Variants in FMNL2 observed in about 807,000 individuals in gnomAD.
The protein encoded by FMNL2 is formin-like protein 2.
FMNL2 carries 51 observed loss-of-function variants against 130.2 expected under a neutral mutation model. The observed-to-expected ratio is 0.39, with a 90% CI of 0.31 to 0.49. FMNL2 has a LOEUF of 0.49. Ranked by LOEUF, FMNL2 falls within the 20% of genes least tolerant of loss-of-function variation. The pLI, the probability that FMNL2 is intolerant of heterozygous loss-of-function variation, is 0.85. For missense variants in FMNL2, 977 were observed against 1,316.2 expected (o/e 0.74, Z 3.99); for synonymous variants, 465 against 467.1 (o/e 1.00, Z 0.06).
intron 25 of FMNL2, among the ~76,000 whole-genome samples, chr2:152,646,999 A>C (rs913648449): frequency 4.6e-5 from 7 of 152,078 alleles, no homozygotes; most frequent in African/African-American, 9.7e-5. Flanking sequence ...GCAGTGATTG[A>C]CTCATTCATT....
intron 1 of FMNL2, among the ~76,000 whole-genome samples, chr2:152,462,581 T>C (rs768865111): frequency 6.6e-6 from 1 of 152,238 alleles, no homozygotes; most frequent in Non-Finnish European, 1.5e-5. Context: ...GCTATTCATA[T>C]TATATGTAAG....
intron 1 of FMNL2, among the ~76,000 whole-genome samples, chr2:152,469,928 T>C (rs1238966988): frequency 1.3e-5 from 2 of 152,146 alleles, no homozygotes; most frequent in African/African-American, 4.8e-5. Context: ...TTAACTACCA[T>C]TGGATTTGAA....
At chr2:152,409,639 C>G (rs1021685651) in intron 1 of FMNL2, among the ~76,000 whole-genome samples, 23 of 152,176 alleles carry the variant, frequency 1.5e-4, no homozygotes, top group African/African-American at 5.5e-4. Context: ...AATGGTGACT[C>G]TGGGTACAGA....
chr2:152,542,905 CTGCAT>C (rs1223890032), intron 3 of FMNL2, 86 bp downstream of exon 3: 2 of 1,417,462 alleles, frequency 1.4e-6, no homozygotes, highest in Non-Finnish European at 2.0e-6. Flanking sequence ...CTTCCTTCCT[CTGCAT>C]TAGAGCCTCT....
chr2:152,454,269 T>G (rs1406109521), intron 1 of FMNL2, among the ~76,000 whole-genome samples: 3 of 152,206 alleles, frequency 2.0e-5, no homozygotes, highest in African/African-American at 7.2e-5. Context: ...AGAGCAAGAC[T>G]CTGTCTCAAA....
chr2:152,479,657 G>C (rs1198062351), intron 1 of FMNL2, among the ~76,000 whole-genome samples: 1 of 148,582 alleles, frequency 6.7e-6, no homozygotes, highest in Non-Finnish European at 1.5e-5. Flanking sequence ...AAAAGCTTAA[G>C]TACATTGGCT....
intron 1 of FMNL2, among the ~76,000 whole-genome samples, chr2:152,513,019 AAAT>A (rs1358781254): frequency 2.6e-5 from 4 of 152,218 alleles, no homozygotes. Flanking sequence ...GTTAAAAGAG[AAAT>A]AATAAGAGAC....
chr2:152,502,545 G>C (rs1234032263), intron 1 of FMNL2, among the ~76,000 whole-genome samples: 2 of 152,172 alleles, frequency 1.3e-5, no homozygotes, highest in Non-Finnish European at 2.9e-5. Context: ...AAATTAGCCA[G>C]GTGTGATGGC....
intron 1 of FMNL2, among the ~76,000 whole-genome samples, chr2:152,412,406 C>T (rs1686335888): frequency 7.5e-6 from 1 of 133,810 alleles, no homozygotes; most frequent in South Asian, 2.3e-4. Context: ...GTCTCTTCTC[C>T]CTTCAGTCTT....
At chr2:152,371,870 C>G (rs967146897) in intron 1 of FMNL2, among the ~76,000 whole-genome samples, 6 of 151,944 alleles carry the variant, frequency 3.9e-5, no homozygotes, top group Non-Finnish European at 7.4e-5. Context: ...CTTGCGATGG[C>G]CTGTACCACC....
rs117861088 is a variant in FMNL2, at chr2:152,604,246, C to T, written c.877-3093C>T. 2.5e-3 allele frequency among the ~76,000 whole-genome samples: 383 copies of T among 151,018 alleles called. 64 individuals are homozygous for T. In the East Asian group the frequency reaches 0.069, roughly 27 times the overall value. On this transcript the variant is annotated intron_variant, in intron 9 of 25. Transcript: ENST00000288670. Reference sequence around the variant, plus strand: ...GGAGAAGGAACCTCAGGCTGGCCATCGGGGACCTGGTTCTAGCCTTGGTTC... The same window carrying T: ...GGAGAAGGAACCTCAGGCTGGCCATTGGGGACCTGGTTCTAGCCTTGGTTC...
intron 9 of FMNL2, among the ~76,000 whole-genome samples, chr2:152,596,923 A>G (rs1348464494): frequency 6.6e-6 from 1 of 152,254 alleles, no homozygotes; most frequent in Admixed American, 6.5e-5. Flanking sequence ...AATCGTATCG[A>G]TGAACTTTTT....
chr2:152,432,748 G>A (rs1019171773), intron 1 of FMNL2, among the ~76,000 whole-genome samples: 1 of 152,156 alleles, frequency 6.6e-6, no homozygotes, highest in East Asian at 1.9e-4. Context: ...GCCTTTCTTG[G>A]GACTCTAACA....
intron 9 of FMNL2, 98 bp downstream of exon 9, chr2:152,581,147 A>C (rs1696755785): frequency 1.9e-6 from 2 of 1,046,180 alleles, no homozygotes; most frequent in Non-Finnish European, 2.8e-6. Flanking sequence ...CTAGGGCCTA[A>C]GGAATATAAT....
chr2:152,415,154 C>G (rs1018646029), intron 1 of FMNL2, among the ~76,000 whole-genome samples: 1 of 148,482 alleles, frequency 6.7e-6, no homozygotes, highest in African/African-American at 2.5e-5. Context: ...AACTTTATGT[C>G]AGTTCTGATA....
At chr2:152,372,099 TAAGAGTCCTCA>T (rs1380087937) in intron 1 of FMNL2, among the ~76,000 whole-genome samples, 1 of 152,196 alleles carries the variant, frequency 6.6e-6, no homozygotes, top group Non-Finnish European at 1.5e-5. Flanking sequence ...ATATGGAAGA[TAAGAGTCCTCA>T]ATTTGGTGGG....
intron 1 of FMNL2, among the ~76,000 whole-genome samples, chr2:152,508,601 T>C (rs1267540687): frequency 6.6e-6 from 1 of 152,234 alleles, no homozygotes; most frequent in East Asian, 1.9e-4. Flanking sequence ...TGTTATAGAA[T>C]GTAAGAATGC....
At chr2:152,617,334 T>A (rs1350268512) in intron 13 of FMNL2, 142 bp downstream of exon 13, 2 of 737,184 alleles carry the variant, frequency 2.7e-6, no homozygotes, top group Non-Finnish European at 4.5e-6. Flanking sequence ...GAGGTGATGC[T>A]CAGTTGAAAA....
chr2:152,451,375 C>T (rs537579645), intron 1 of FMNL2, among the ~76,000 whole-genome samples: 3 of 152,132 alleles, frequency 2.0e-5, no homozygotes, highest in Non-Finnish European at 1.5e-5. Context: ...GTCTCGAACT[C>T]CTGACCTCGT....
Sources: allele counts gnomAD v4.1 joint callset (sites outside exome capture counted in the v4.1 genomes callset), GRCh38; gene constraint gnomAD v4.1.1; transcripts MANE v1.5; gene names NCBI Gene and HGNC (gene_info 2026-07-23, HGNC 2026-07-21).